Variants in CASP5 observed in about 807,000 individuals in gnomAD.
The protein encoded by CASP5 is caspase 5.
CASP5 carries 42 observed loss-of-function variants against 45.2 expected under a neutral mutation model. That is an observed-to-expected ratio of 0.93 (90% confidence interval 0.73 to 1.20). The LOEUF (loss-of-function observed/expected upper bound fraction) is 1.20. CASP5 is among the 50% of genes most tolerant of loss of function. CASP5 has a pLI of 0.00. For synonymous variants in CASP5, 209 were observed against 186.2 expected, an observed-to-expected ratio of 1.12 and a Z score of -1.00; for missense variants, 512 against 532.2, an observed-to-expected ratio of 0.96 and a Z score of 0.37.
intron 3 of CASP5, 129 bp from the exon 4 acceptor site, chr11:105,003,512 G>C (rs754090160): frequency 1.9e-6 from 1 of 540,278 alleles, no homozygotes; most frequent in African/African-American, 2.0e-5. Flanking sequence ...GGTTATAGCT[G>C]TACCTAATTT....
chr11:105,003,372 T>C lies in CASP5; in HGVS notation c.445A>G (p.Ile149Val). 1.3e-6 allele frequency: 2 copies of C among 1,591,232 alleles called. No homozygotes were observed. Among genetic ancestry groups the C allele is most frequent in the Non-Finnish European group, 1.7e-6 (2 of 1,167,186 alleles). Reference protein sequence around the residue: ...KITSVKPLLQIEAGPPESAES... With the variant: ...KITSVKPLLQVEAGPPESAES... ...GCTGACTCAGGTGGTCCAGCCTCGA[T>C]TTGCAGAAGAGCTGTGGGATATCAC... is the stretch of plus-strand genomic sequence containing the variant. Residue 149 changes from isoleucine (I) to valine (V), a missense_variant, in exon 4 of 10, where the codon ATC (isoleucine) becomes GTC (valine). Physicochemically the swap from Ile to Val is conservative, Grantham distance 29. Transcript: ENST00000260315.
At chr11:105,020,309 C>T (rs973878303) in intron 1 of CASP5, among the ~76,000 whole-genome samples, 4 of 151,794 alleles carry the variant, frequency 2.6e-5, no homozygotes, top group Admixed American at 6.6e-5. Context: ...CTGGCCAGGG[C>T]GATCAGGCAG....
At chr11:105,004,089 A>C (rs1464316276) in intron 3 of CASP5, among the ~76,000 whole-genome samples, 2 of 152,156 alleles carry the variant, frequency 1.3e-5, no homozygotes, top group African/African-American at 4.8e-5. Flanking sequence ...TTTTATGTGA[A>C]TTAATAATTA....
At position 105,011,314 on chromosome 11, in the gene CASP5, A is replaced by C. The variant is rs190969862; in HGVS notation, c.8-2334T>G. On this transcript the variant is annotated intron_variant, in intron 1 of 9. Coordinates refer to ENST00000260315, the MANE Select transcript of CASP5 (RefSeq NM_004347.5). ...ATTAACCTAAAGAGGTTTACAACAC[A>C]ATAAATGCCACTTATAGAAAACACA... Among the ~76,000 whole-genome samples the C allele has an allele frequency of 6.6e-5, 10 of 151,958 alleles. No individual in the cohort carries two copies. In the East Asian group the frequency reaches 1.7e-3, roughly 26 times the overall value.
At chr11:105,009,758 T>TACAC (rs1199603594) in intron 1 of CASP5, among the ~76,000 whole-genome samples, 1 of 90,252 alleles carries the variant, frequency 1.1e-5, no homozygotes, top group South Asian at 3.3e-4. Context: ...TATATATATA[T>TACAC]ACACACACAC....
At chr11:105,003,826 CT>C (rs974453181) in intron 3 of CASP5, among the ~76,000 whole-genome samples, 4 of 151,478 alleles carry the variant, frequency 2.6e-5, no homozygotes, top group African/African-American at 9.7e-5. Flanking sequence ...ATTAAATTTT[CT>C]AATATCACAT....
rs1008413199 is a variant in CASP5, at chr11:105,017,205, G to A, written c.7+5925C>T. Among the ~76,000 whole-genome samples the A allele has an allele frequency of 2.2e-3, 334 of 152,100 alleles. 1 individual carries two copies. The highest frequency in any genetic ancestry group is 7.3e-3 in the African/African-American group (302 of 41,512). On this transcript the variant is annotated intron_variant, in intron 1 of 9. Transcript: ENST00000260315. ...AAGTAGAAAAAACCACAAAGATGGG[G>A]AAAAAACAGAGCAGAAAAACTGGAA...
rs560729751 is a variant in CASP5, at chr11:105,002,101, T to C, written c.644A>G (p.Asp215Gly). 8.1e-6 allele frequency: 13 copies of C among 1,614,162 alleles called. No homozygotes were observed. In the East Asian group the frequency reaches 2.0e-4, roughly 25 times the overall value. Residue 215 changes from aspartate (D) to glycine (G), a missense_variant, in exon 5 of 10, where the codon GAC (aspartate) becomes GGC (glycine). Physicochemically the swap from Asp to Gly is moderately conservative, Grantham distance 94. Coordinates refer to ENST00000260315, the MANE Select transcript of CASP5 (RefSeq NM_004347.5). ...AAGCAGCCTTTTCATCCCCACGATG[T>C]CATAGTGAGCCCCATTCCTTGCAGG... Reference protein sequence around the residue: ...HLPARNGAHYDIVGMKRLLQG... With the variant: ...HLPARNGAHYGIVGMKRLLQG...
chr11:105,017,203 G>A (rs1862663736), intron 1 of CASP5, among the ~76,000 whole-genome samples: 1 of 152,092 alleles, frequency 6.6e-6, no homozygotes, highest in African/African-American at 2.4e-5. Flanking sequence ...CACAAAGATG[G>A]GGAAAAAACA....
chr11:105,001,097 G>A (rs530420699), intron 5 of CASP5, among the ~76,000 whole-genome samples: 2 of 152,292 alleles, frequency 1.3e-5, no homozygotes, highest in African/African-American at 2.4e-5. Context: ...TCTCCCCACA[G>A]AGGCTTTTCT....
At chr11:104,995,691 G>A (rs770533387) in intron 9 of CASP5, 49 bp downstream of exon 9, 21 of 1,211,032 alleles carry the variant, frequency 1.7e-5, no homozygotes, top group Non-Finnish European at 1.5e-5. Context: ...CTTCACCACC[G>A]ATATAGCTCT....
At chr11:105,001,601 G>A (rs764170231) in intron 5 of CASP5, among the ~76,000 whole-genome samples, 16 of 152,152 alleles carry the variant, frequency 1.1e-4, no homozygotes, top group Non-Finnish European at 1.8e-4. Flanking sequence ...ATGTTGCAGT[G>A]AGCCAAGATC....
intron 9 of CASP5, among the ~76,000 whole-genome samples, chr11:104,994,647 T>C (rs1167570176): frequency 6.7e-6 from 1 of 150,120 alleles, no homozygotes; most frequent in East Asian, 1.9e-4. Context: ...GGCTCCTCAC[T>C]GTTTCTCCTA....
chr11:105,008,797 C>T lies in CASP5; in HGVS notation c.181+10G>A. On this transcript the variant is annotated intron_variant, in intron 2 of 9. Coordinates refer to ENST00000260315, the MANE Select transcript of CASP5 (RefSeq NM_004347.5). ...ATTGGAAATATCCATTGTAAAATAT[C>T]CAGTCTTACTTTTTACACTGGTCGA... The T allele has an allele frequency of 6.3e-7, 1 of 1,580,348 alleles. No homozygotes were observed. Among genetic ancestry groups the T allele is most frequent in the South Asian group, 1.1e-5 (1 of 88,930 alleles).
In CASP5 at chr11:105,002,194, G is replaced by A. The variant is rs1861771912; in HGVS notation, c.551C>T (p.Pro184Leu). 1.2e-6 allele frequency: 2 copies of A among 1,613,754 alleles called. No homozygotes were observed. Among genetic ancestry groups the A allele is most frequent in the Non-Finnish European group, 1.7e-6 (2 of 1,179,876 alleles). The part of the protein sequence containing the change: ...LCKKNHDEIY[P>L]IKKREDRRRL... ...TCTGCGGTCCTCTCTCTTTTTTATT[G>A]GATAGATCTGCAGGAGATGGAGATG... Residue 184 changes from proline to leucine, a missense_variant, in exon 5 of 10, where the codon CCA becomes CTA. Transcript: ENST00000260315.
intron 3 of CASP5, among the ~76,000 whole-genome samples, chr11:105,005,489 A>G (rs1359827406): frequency 1.3e-5 from 2 of 152,036 alleles, no homozygotes; most frequent in Non-Finnish European, 2.9e-5. Flanking sequence ...AATTATAACC[A>G]TATCCAAAGG....
At chr11:105,012,074 A>C (rs916064596) in intron 1 of CASP5, among the ~76,000 whole-genome samples, 1 of 151,864 alleles carries the variant, frequency 6.6e-6, no homozygotes, top group African/African-American at 2.4e-5. Context: ...TAGTACTGGC[A>C]TAAAAGCAAA....
chr11:105,019,552 C>A (rs1435276137), intron 1 of CASP5, among the ~76,000 whole-genome samples: 3 of 151,044 alleles, frequency 2.0e-5, no homozygotes, highest in African/African-American at 7.3e-5. Flanking sequence ...ACTAGAAAAT[C>A]TAGAAGAAAT....
chr11:105,004,141 G>A (rs1251490162), intron 3 of CASP5, among the ~76,000 whole-genome samples: 3 of 152,046 alleles, frequency 2.0e-5, no homozygotes, highest in African/African-American at 7.2e-5. Flanking sequence ...AACAAATTGT[G>A]AAATCACCTA....
Sources: gnomAD v4.1 joint callset for allele counts (sites outside exome capture counted in the v4.1 genomes callset) on GRCh38, gnomAD v4.1.1 for gene constraint, MANE v1.5 for transcripts, NCBI Gene and HGNC (gene_info 2026-07-23, HGNC 2026-07-21) for gene names.